The following SNUPN variants were observed in gnomAD, a reference collection of about 807,000 sequenced individuals.
The protein encoded by SNUPN is snurportin-1.
Under a neutral mutation model 39.2 loss-of-function variants are expected in SNUPN, and 31 were observed. That is an observed-to-expected ratio of 0.79 (90% CI 0.59 to 1.07). SNUPN has a LOEUF of 1.07. Among genes scored for constraint, SNUPN ranks in the 50% least tolerant of loss-of-function variants. The pLI is 0.00. For synonymous variants in SNUPN, 132 were observed against 159.0 expected (o/e 0.83, Z 1.28); for missense variants, 382 against 434.2 (o/e 0.88, Z 1.07).
Position 75,609,644 on chromosome 15 carries a change from G to A in SNUPN, c.416C>T (p.Thr139Ile), listed in dbSNP as rs1457399011. Residue 139 changes from threonine (T) to isoleucine (I), a missense_variant, in exon 5 of 9, where the codon ACC (threonine) becomes ATC (isoleucine). By Grantham distance (89) the Thr-to-Ile change is moderately conservative. Transcript: ENST00000308588. The stretch of plus-strand genomic sequence containing the variant: ...GTAGCCACTCTTGGTGTAGGCACTG[G>A]TAGAACCCTGCATGGAGAGAAAGTT... Reference protein sequence around the residue: ...RALIVASRGSTSAYTKSGYCV... With the variant: ...RALIVASRGSISAYTKSGYCV... 3 of 1,609,616 alleles carry A rather than the reference G, an allele frequency of 1.9e-6. No homozygotes were observed. Among genetic ancestry groups the A allele is most frequent in the Non-Finnish European group, 2.5e-6 (3 of 1,177,586 alleles).
At chr15:75,614,382 A>G (rs980436339) in intron 3 of SNUPN, among the ~76,000 whole-genome samples, 2 of 152,198 alleles carry the variant, frequency 1.3e-5, no homozygotes, top group South Asian at 2.1e-4. Flanking sequence ...AAATAGCCAT[A>G]AACTGAAGAA....
intron 5 of SNUPN, among the ~76,000 whole-genome samples, chr15:75,608,076 C>T (rs960472020): frequency 6.6e-6 from 1 of 152,042 alleles, no homozygotes; most frequent in African/African-American, 2.4e-5. Context: ...AGGTACTAAA[C>T]GCCAACAGAG....
chr15:75,611,984 C>T (rs1567555984), intron 3 of SNUPN, among the ~76,000 whole-genome samples: 1 of 152,008 alleles, frequency 6.6e-6, no homozygotes, highest in African/African-American at 2.4e-5. Flanking sequence ...TTTCCTACCC[C>T]ACAGTCCTAC....
intron 3 of SNUPN, 101 bp downstream of exon 3, chr15:75,617,307 C>T (rs1304166920): frequency 8.6e-6 from 11 of 1,277,864 alleles, no homozygotes; most frequent in East Asian, 2.3e-5. Flanking sequence ...TTTTTCCTGC[C>T]TCATTCTCCT....
chr15:75,607,878 C>T (rs1007396873), intron 5 of SNUPN, among the ~76,000 whole-genome samples: 1 of 152,060 alleles, frequency 6.6e-6, no homozygotes, highest in East Asian at 1.9e-4. Context: ...TGGGACCAGC[C>T]GGGTTTAAAC....
intron 2 of SNUPN, among the ~76,000 whole-genome samples, chr15:75,618,305 C>A (rs544107914): frequency 1.3e-5 from 2 of 152,132 alleles, no homozygotes; most frequent in Admixed American, 6.6e-5. Flanking sequence ...GCCTTATACA[C>A]CTTTTTTGTT....
chr15:75,623,990 G>C lies in SNUPN; in HGVS notation c.-6+1676C>G, dbSNP rs867593880. 1.2e-3 allele frequency among the ~76,000 whole-genome samples: 181 copies of C among 145,088 alleles called. 1 individual carries two copies. The highest frequency in any genetic ancestry group is 5.2e-3 in the South Asian group (23 of 4,406). On this transcript the variant is annotated intron_variant, in intron 1 of 8. Coordinates refer to ENST00000308588, the MANE Select transcript of SNUPN (RefSeq NM_005701.4). The stretch of plus-strand genomic sequence containing the variant: ...TCGCCCAGGCTGGAGTGCAGTGGCG[G>C]GATCTCGGCTCACTGCAAGCTCCGC...
intron 5 of SNUPN, 76 bp from the exon 6 acceptor site, chr15:75,607,389 C>G: frequency 1.0e-6 from 1 of 956,412 alleles, no homozygotes; most frequent in East Asian, 2.4e-5. Flanking sequence ...CTAGGGAGCC[C>G]CATCCCAGAG....
chr15:75,598,453 C>T lies in SNUPN; in HGVS notation c.988G>A (p.Glu330Lys), dbSNP rs767040054. The T allele has an allele frequency of 1.2e-6, 2 of 1,614,106 alleles. No homozygotes were observed. The highest frequency in any genetic ancestry group is 2.7e-5 in the African/African-American group (2 of 74,938). Residue 330 changes from glutamate (E) to lysine (K), a missense_variant, in exon 9 of 9, where the codon GAG (glutamate) becomes AAG (lysine). By Grantham distance (56) the Glu-to-Lys change is moderately conservative. Transcript: ENST00000308588. ...TGCTCCAATTCATAGTGCCCATTCT[C>T]AGAGGCCTTGTGTGTGAGTTTCTCC... is the stretch of plus-strand genomic sequence containing the variant. ...MKEKLTHKASENGHYELEHLS... is the reference protein window; with the variant it reads ...MKEKLTHKASKNGHYELEHLS...
At chr15:75,613,512 G>A (rs562568769) in intron 3 of SNUPN, among the ~76,000 whole-genome samples, 119 of 151,380 alleles carry the variant, frequency 7.9e-4, no homozygotes, top group Non-Finnish European at 1.3e-3. Context: ...AAGTGGTGGC[G>A]GGTGCCTGTA....
intron 3 of SNUPN, among the ~76,000 whole-genome samples, chr15:75,615,809 C>T (rs938934802): frequency 1.8e-4 from 28 of 151,750 alleles, no homozygotes; most frequent in Non-Finnish European, 3.4e-4. Context: ...GGGGTTTCAC[C>T]ATGTTAGCCA....
intron 8 of SNUPN, 66 bp from the exon 9 acceptor site, chr15:75,598,747 T>G: frequency 7.6e-7 from 1 of 1,308,222 alleles, no homozygotes; most frequent in South Asian, 1.4e-5. Flanking sequence ...GGAGAGCCTA[T>G]ACACACAAGG....
chr15:75,599,016 A>C (rs2075264549), intron 8 of SNUPN, among the ~76,000 whole-genome samples: 1 of 152,030 alleles, frequency 6.6e-6, no homozygotes, highest in East Asian at 1.9e-4. Context: ...AAAATTCAAA[A>C]AAATAGCCAG....
In SNUPN at chr15:75,621,046, T is replaced by C; in HGVS notation, c.6A>G (p.Glu2=). 6.2e-7 allele frequency: 1 copy of C among 1,613,868 alleles called. No individual in the cohort carries two copies. The highest frequency in any genetic ancestry group is 8.5e-7 in the Non-Finnish European group (1 of 1,179,952). Residue 2 remains glutamate (E), a synonymous_variant, in exon 2 of 9, where the codon GAA becomes GAG. Transcript: ENST00000308588. ...TACTAGCCAGGGCCTGACTCAACTC[T>C]TCCATCTTCCCTACAAAGGAAAACG... M[E]ELSQALASSF... is the part of the protein sequence containing the mutation.
Position 75,622,310 on chromosome 15 carries a change from G to A in SNUPN, c.-5-1254C>T, listed in dbSNP as rs976764410. ...TGTTTTGTTTTTGGGTGGGCAGAAA[G>A]AAGGTTTCAGGGCTACTTATGTGGG... On this transcript the variant is annotated intron_variant, in intron 1 of 8. Coordinates refer to ENST00000308588, the MANE Select transcript of SNUPN (RefSeq NM_005701.4). 5.1e-6 allele frequency: 5 copies of A among 983,874 alleles called. No homozygotes were observed. The South Asian group carries it at 2.4e-4, about 46-fold the overall frequency. The allele number at this position is 983,874 out of a possible 1,614,324, so 60.9% of individuals were successfully genotyped here.
chr15:75,617,676 G>A, intron 2 of SNUPN, 124 bp from the exon 3 acceptor site: 1 of 1,052,958 alleles, frequency 9.5e-7, no homozygotes. Flanking sequence ...CAACCTCCTG[G>A]GCTCAAGTGA....
intron 1 of SNUPN, among the ~76,000 whole-genome samples, chr15:75,623,592 G>C (rs924770793): frequency 6.6e-6 from 1 of 151,726 alleles, no homozygotes; most frequent in African/African-American, 2.4e-5. Flanking sequence ...TTATAGACAT[G>C]CACCACCATG....
At chr15:75,624,616 T>C in intron 1 of SNUPN, 1 of 552,872 alleles carries the variant, frequency 1.8e-6, no homozygotes. Context: ...GAGCTTGCAG[T>C]GAGTCGAGAT....
chr15:75,624,258 C>T (rs1399538703), intron 1 of SNUPN, among the ~76,000 whole-genome samples: 2 of 151,140 alleles, frequency 1.3e-5, no homozygotes, highest in African/African-American at 4.8e-5. Context: ...ATTATGTTTT[C>T]AGTTCATCAC....
Sources: allele counts gnomAD v4.1 joint callset (sites outside exome capture counted in the v4.1 genomes callset), GRCh38; gene constraint gnomAD v4.1.1; transcripts MANE v1.5; gene names NCBI Gene and HGNC (gene_info 2026-07-23, HGNC 2026-07-21).